DENND1A: variants seen among roughly 807,000 people sequenced by gnomAD.
The protein encoded by DENND1A is DENN domain-containing protein 1A.
A neutral mutation model predicts 113.7 loss-of-function variants in DENND1A; 51 were observed. The observed-to-expected ratio is 0.45, with a 90% CI of 0.36 to 0.57. The LOEUF (loss-of-function observed/expected upper bound fraction) is 0.57, where lower values mean the gene tolerates loss of function less well. Among genes scored for constraint, DENND1A ranks in the 20% least tolerant of loss-of-function variants. The probability of loss-of-function intolerance (pLI) is 0.00; values close to 1 mark genes in which losing one functional copy is unlikely to be tolerated. For synonymous variants in DENND1A, 565 were observed against 570.8 expected (o/e 0.99, Z 0.14); for missense variants, 1,258 against 1,395.9 (o/e 0.90, Z 1.57).
intron 19 of DENND1A, among the ~76,000 whole-genome samples, chr9:123,435,350 C>A (rs2046439696): frequency 2.0e-5 from 3 of 152,160 alleles, no homozygotes; most frequent in Non-Finnish European, 4.4e-5. Context: ...TGCCAGAATT[C>A]TCCATACGCA....
intron 5 of DENND1A, among the ~76,000 whole-genome samples, chr9:123,701,377 G>A (rs2065874697): frequency 6.6e-6 from 1 of 152,170 alleles, no homozygotes; most frequent in South Asian, 2.1e-4. Context: ...CATTACCCAT[G>A]TCATCCCTCC....
At chr9:123,609,736 A>G (rs1404507819) in intron 10 of DENND1A, among the ~76,000 whole-genome samples, 6 of 152,160 alleles carry the variant, frequency 3.9e-5, no homozygotes, top group Non-Finnish European at 7.3e-5. Context: ...GCCCCTAAAG[A>G]GCGGCTCTGC....
chr9:123,618,758 G>A (rs971274395), intron 10 of DENND1A, among the ~76,000 whole-genome samples: 5 of 152,146 alleles, frequency 3.3e-5, no homozygotes, highest in Non-Finnish European at 7.3e-5. Flanking sequence ...TCTCAGTAAC[G>A]CTGGGAGTGA....
At chr9:123,624,049 A>G (rs1359825856) in intron 10 of DENND1A, among the ~76,000 whole-genome samples, 3 of 152,220 alleles carry the variant, frequency 2.0e-5, no homozygotes, top group South Asian at 2.1e-4. Flanking sequence ...TATGCATAGA[A>G]AGGGCACCTG....
chr9:123,872,360 G>A (rs1393846789), intron 2 of DENND1A, among the ~76,000 whole-genome samples: 1 of 152,024 alleles, frequency 6.6e-6, no homozygotes, highest in Non-Finnish European at 1.5e-5. Flanking sequence ...AGTAAATGTA[G>A]AACATAAACA....
intron 5 of DENND1A, among the ~76,000 whole-genome samples, chr9:123,683,060 A>G (rs933779967): frequency 6.6e-6 from 1 of 152,208 alleles, no homozygotes; most frequent in East Asian, 1.9e-4. Flanking sequence ...TTCACCTAGC[A>G]TCTATCCCTG....
At chr9:123,808,729 G>A (rs896210582) in intron 2 of DENND1A, among the ~76,000 whole-genome samples, 1 of 152,116 alleles carries the variant, frequency 6.6e-6, no homozygotes, top group East Asian at 1.9e-4. Context: ...AAAAAAACTA[G>A]CAACAGGAAT....
intron 5 of DENND1A, among the ~76,000 whole-genome samples, chr9:123,742,591 G>T (rs1463686824): frequency 6.6e-6 from 1 of 152,142 alleles, no homozygotes; most frequent in Non-Finnish European, 1.5e-5. Context: ...CAAAAACCTG[G>T]CAAATCAAAG....
rs35223887 is a variant in DENND1A at position 123,538,809 on chromosome 9, CATATATATATATATAT to C, written c.993+18745_993+18760del. Among the ~76,000 whole-genome samples, 209 of 22,468 alleles carry C rather than the reference CATATATATATATATAT, an allele frequency of 9.3e-3. 3 individuals are homozygous for C. Among genetic ancestry groups the C allele is most frequent in the South Asian group, 0.014 (7 of 518 alleles). 14.7% of individuals were successfully genotyped at this position (22,468 alleles called of 152,430 possible). A position where few individuals can be genotyped will look rare whatever the true frequency, so the allele number is the denominator to read the frequency against. On this transcript the variant is annotated intron_variant, in intron 13 of 23. Coordinates refer to ENST00000394215, the MANE Select transcript of DENND1A (RefSeq NM_001352964.2). ...ATGAATCCAAAGGTGACAACTCATA[CATATATATATATATAT>C]ATATATATATATATATATATATATA...
intron 2 of DENND1A, among the ~76,000 whole-genome samples, chr9:123,817,231 T>C (rs748038366): frequency 7.9e-5 from 12 of 152,186 alleles, no homozygotes; most frequent in Non-Finnish European, 1.8e-4. Context: ...CAGAGATTAT[T>C]ACCTTCCCTA....
At chr9:123,618,903 C>T (rs1422213571) in intron 10 of DENND1A, among the ~76,000 whole-genome samples, 3 of 152,188 alleles carry the variant, frequency 2.0e-5, no homozygotes, top group African/African-American at 7.2e-5. Context: ...AGACCTTTCG[C>T]TTTTTGCTAT....
intron 22 of DENND1A, among the ~76,000 whole-genome samples, chr9:123,385,478 T>A (rs2042514703): frequency 6.6e-6 from 1 of 152,208 alleles, no homozygotes; most frequent in African/African-American, 2.4e-5. Flanking sequence ...TCACCTCTTC[T>A]AACCCCAAGT....
intron 10 of DENND1A, among the ~76,000 whole-genome samples, chr9:123,627,088 G>T (rs1410566010): frequency 1.3e-5 from 2 of 152,234 alleles, no homozygotes; most frequent in African/African-American, 4.8e-5. Flanking sequence ...GCATGGTGGG[G>T]AGAGTGAGGG....
intron 2 of DENND1A, among the ~76,000 whole-genome samples, chr9:123,835,440 A>G (rs555754184): frequency 2.6e-5 from 4 of 152,148 alleles, no homozygotes; most frequent in Non-Finnish European, 4.4e-5. Flanking sequence ...GGTGGGGGGA[A>G]TCTGTGTCCC....
chr9:123,472,067 T>C (rs1404634338), intron 13 of DENND1A, among the ~76,000 whole-genome samples: 1 of 152,148 alleles, frequency 6.6e-6, no homozygotes, highest in African/African-American at 2.4e-5. Context: ...TAAGGTGATA[T>C]GGTGTGTGTC....
chr9:123,636,385 C>T (rs181006466), intron 9 of DENND1A, among the ~76,000 whole-genome samples: 22 of 151,866 alleles, frequency 1.4e-4, no homozygotes, highest in Admixed American at 1.0e-3. Context: ...GGTGGGACCT[C>T]GGCTCACTGC....
At chr9:123,802,891 G>A (rs372131991) in intron 2 of DENND1A, among the ~76,000 whole-genome samples, 1 of 151,286 alleles carries the variant, frequency 6.6e-6, no homozygotes, top group Non-Finnish European at 1.5e-5. Flanking sequence ...TAGTAGAGTC[G>A]GGGTTTCTCT....
chr9:123,869,222 C>T (rs1402747826), intron 2 of DENND1A, among the ~76,000 whole-genome samples: 1 of 152,220 alleles, frequency 6.6e-6, no homozygotes, highest in African/African-American at 2.4e-5. Flanking sequence ...AAGATTTAAT[C>T]ATTAAATACT....
chr9:123,483,365 G>A (rs905503674), intron 13 of DENND1A, among the ~76,000 whole-genome samples: 1 of 152,224 alleles, frequency 6.6e-6, no homozygotes, highest in Non-Finnish European at 1.5e-5. Flanking sequence ...TGCCGCCGCT[G>A]CTGCTCCAGT....
Sources: allele counts gnomAD v4.1 joint callset (sites outside exome capture counted in the v4.1 genomes callset), GRCh38; gene constraint gnomAD v4.1.1; transcripts MANE v1.5; gene names NCBI Gene and HGNC (gene_info 2026-07-23, HGNC 2026-07-21).